DDX23: variants seen among roughly 807,000 people sequenced by gnomAD.
DDX23 encodes the protein probable ATP-dependent RNA helicase DDX23.
DDX23 carries 33 observed loss-of-function variants against 102.7 expected under a neutral mutation model. That is an observed-to-expected ratio of 0.32 (90% CI 0.24 to 0.43). DDX23 has a LOEUF of 0.43. Among genes scored for constraint, DDX23 ranks in the 20% least tolerant of loss-of-function variants. The probability of loss-of-function intolerance (pLI) is 1.00; values close to 1 mark genes in which losing one functional copy is unlikely to be tolerated. For synonymous variants in DDX23, 352 were observed against 376.0 expected (o/e 0.94, Z 0.74); for missense variants, 549 against 1,086.6 (o/e 0.51, Z 6.96).
At chr12:48,849,331 T>C (rs1454694441) in intron 1 of DDX23, among the ~76,000 whole-genome samples, 1 of 152,118 alleles carries the variant, frequency 6.6e-6, no homozygotes, top group African/African-American at 2.4e-5. Context: ...ACTTCCCGTC[T>C]ATTTTGAACA....
chr12:48,837,087 TAGGA>T, intron 8 of DDX23, 50 bp from the exon 9 acceptor site: 2 of 1,610,496 alleles, frequency 1.2e-6, no homozygotes, highest in Non-Finnish European at 1.7e-6. Flanking sequence ...TTAACGGCAG[TAGGA>T]AGGAAGGGCA....
Position 48,845,712 on chromosome 12 carries a change from C to A in DDX23, c.71G>T (p.Arg24Leu). The A allele has an allele frequency of 6.2e-7, 1 of 1,614,202 alleles. No homozygotes were observed. Among genetic ancestry groups the A allele is most frequent in the Non-Finnish European group, 8.5e-7 (1 of 1,180,044 alleles). ...TCTATCCCGCTCTCTGTCAGGAGTC[C>A]GTGATCGCTTCCTTTCCTCCTTGGA... is the stretch of plus-strand genomic sequence containing the variant. ...SPSKEERKRS[R>L]TPDRERDRDR... is the part of the protein sequence containing the mutation. The change falls in exon 2 of 17, where the codon CGG (arginine) becomes CTG (leucine). Residue 24 changes from arginine to leucine, a missense_variant. Arg to Leu is a moderately radical substitution (Grantham distance 102). This residue lies in a region of DDX23 where 241 missense variants were observed against 267.0 expected (regional missense o/e 0.90). Coordinates refer to ENST00000308025, the MANE Select transcript of DDX23 (RefSeq NM_004818.3).
intron 1 of DDX23, 51 bp downstream of exon 1, chr12:48,852,033 C>G (rs796972247): frequency 6.6e-5 from 10 of 152,556 alleles, no homozygotes; most frequent in African/African-American, 2.4e-4. Flanking sequence ...TGCCCTGACT[C>G]TAGCCCTTTC....
In DDX23 at chr12:48,840,049, C is replaced by T. The variant is rs1188853159; in HGVS notation, c.378G>A (p.Lys126=). The change falls in exon 4 of 17, where the codon AAG becomes AAA. Residue 126 remains lysine (K), a synonymous_variant. Transcript: ENST00000308025. The part of the protein sequence containing the change: ...FKSRKDRDSK[K]DEEDEHGDKK... ...TATCACCATGTTCATCCTCTTCATC[C>T]TTCTTAGAGTCTCTGTCCTTCCGAG... 1.2e-6 allele frequency: 2 copies of T among 1,614,060 alleles called. No individual in the cohort carries two copies. The highest frequency in any genetic ancestry group is 8.5e-7 in the Non-Finnish European group (1 of 1,180,020).
At chr12:48,851,654 A>G (rs1938761402) in intron 1 of DDX23, among the ~76,000 whole-genome samples, 1 of 152,204 alleles carries the variant, frequency 6.6e-6, no homozygotes, top group East Asian at 1.9e-4. Context: ...GTATAAGTAG[A>G]ATTTTAAGAT....
In DDX23 at chr12:48,836,009, TA is replaced by T; in HGVS notation, c.1382+111del. On this transcript the variant is annotated intron_variant, in intron 11 of 16. Coordinates refer to ENST00000308025, the MANE Select transcript of DDX23 (RefSeq NM_004818.3). The surrounding 1 kb of genome is among the most constrained non-coding windows in gnomAD (Gnocchi z 6.1). ...TTATTCCCTAATATCCAACAAAGAA[TA>T]AAGAAGAAAGCTTCTGATTATAGAC... 1.6e-6 allele frequency: 2 copies of T among 1,234,176 alleles called. No homozygotes were observed. The highest frequency in any genetic ancestry group is 2.8e-5 in the South Asian group (2 of 71,800). 76.5% of individuals were successfully genotyped at this position (1,234,176 alleles called of 1,614,324 possible).
At chr12:48,841,995 C>A (rs1938561089) in intron 3 of DDX23, among the ~76,000 whole-genome samples, 1 of 150,334 alleles carries the variant, frequency 6.7e-6, no homozygotes, top group African/African-American at 2.4e-5. Flanking sequence ...TGCCCGGCCG[C>A]CCCGTCTGAG....
chr12:48,837,065 A>C (rs756542953), intron 8 of DDX23, 28 bp from the exon 9 acceptor site: 1 of 1,613,092 alleles, frequency 6.2e-7, no homozygotes, highest in South Asian at 1.1e-5. Context: ...GAAAAGAAAA[A>C]AGAAGGAGCT....
intron 3 of DDX23, among the ~76,000 whole-genome samples, chr12:48,842,887 C>T (rs975849597): frequency 6.6e-6 from 1 of 151,796 alleles, no homozygotes; most frequent in South Asian, 2.1e-4. Flanking sequence ...ATTGAGAAAT[C>T]GGATGGTTGC....
chr12:48,830,385 C>A lies in DDX23; in HGVS notation c.*84G>T. 6.8e-7 allele frequency: 1 copy of A among 1,477,904 alleles called. No homozygotes were observed. Among genetic ancestry groups the A allele is most frequent in the South Asian group, 1.2e-5 (1 of 86,086 alleles). The allele number at this position is 1,477,904 out of a possible 1,614,324, so 91.5% of individuals were successfully genotyped here. A position where few individuals can be genotyped will look rare whatever the true frequency, so the allele number is the denominator to read the frequency against. On this transcript the variant is annotated 3_prime_UTR_variant, in exon 17 of 17. Transcript: ENST00000308025. This position sits in a 1 kb window ranked among gnomAD's most constrained non-coding sequence, Gnocchi z 4.9. ...AGCCCCCATATCCCAAGAGTGAGGA[C>A]CTGGAAAGAGGGATGTGAGGGTTCT...
intron 3 of DDX23, among the ~76,000 whole-genome samples, chr12:48,843,230 C>G (rs1374850288): frequency 6.6e-6 from 1 of 150,744 alleles, no homozygotes; most frequent in Non-Finnish European, 1.5e-5. Flanking sequence ...GCTGACCTTC[C>G]CTCCACTATT....
At position 48,836,086 on chromosome 12, in the gene DDX23, A is replaced by G. The variant is rs774271044; in HGVS notation, c.1382+35T>C. 31 of 1,606,836 alleles carry G rather than the reference A, an allele frequency of 1.9e-5. No homozygotes were observed. The highest frequency in any genetic ancestry group is 2.4e-5 in the Non-Finnish European group (28 of 1,175,370). On this transcript the variant is annotated intron_variant, in intron 11 of 16. Coordinates refer to ENST00000308025, the MANE Select transcript of DDX23 (RefSeq NM_004818.3). This position sits in a 1 kb window ranked among gnomAD's most constrained non-coding sequence, Gnocchi z 6.1. ...TGCCACTTTCACCTTTCCTACCCAG[A>G]CAAACCCACTCCAGCTGGTGCTAGC...
chr12:48,846,133 TA>T, intron 1 of DDX23, among the ~76,000 whole-genome samples: 1 of 125,062 alleles, frequency 8.0e-6, no homozygotes, highest in Non-Finnish European at 1.8e-5. Context: ...CTTGCCTAGC[TA>T]ATTTATTTTT....
chr12:48,836,437 G>GA lies in DDX23; in HGVS notation c.1236+131dup. ...TCACTAAAAGCCAACACTTCTACCAGAAAGTGACAGAAAAGGTCACATTGG... is the reference window on the plus strand; with the variant it reads ...TCACTAAAAGCCAACACTTCTACCAGAAAAGTGACAGAAAAGGTCACATTGG... On this transcript the variant is annotated intron_variant, in intron 10 of 16. Coordinates refer to ENST00000308025, the MANE Select transcript of DDX23 (RefSeq NM_004818.3). This position sits in a 1 kb window ranked among gnomAD's most constrained non-coding sequence, Gnocchi z 6.1. 1.6e-6 allele frequency: 2 copies of GA among 1,237,432 alleles called. No individual in the cohort carries two copies. Among genetic ancestry groups the GA allele is most frequent in the South Asian group, 2.9e-5 (2 of 70,108 alleles). 76.7% of individuals were successfully genotyped at this position (1,237,432 alleles called of 1,614,324 possible). A position where few individuals can be genotyped will look rare whatever the true frequency, so the allele number is the denominator to read the frequency against.
At chr12:48,845,539 C>T in intron 2 of DDX23, 35 bp downstream of exon 2, 4 of 1,609,962 alleles carry the variant, frequency 2.5e-6, no homozygotes, top group Non-Finnish European at 3.4e-6. Flanking sequence ...AACGTACTCT[C>T]CCTTCCCATG....
At chr12:48,848,159 G>A (rs969152335) in intron 1 of DDX23, among the ~76,000 whole-genome samples, 2 of 152,122 alleles carry the variant, frequency 1.3e-5, no homozygotes, top group South Asian at 2.1e-4. Context: ...GGTGGTGGGC[G>A]CCTGTAGTCC....
rs763097321 is a variant in DDX23 at position 48,830,410 on chromosome 12, T to C, written c.*59A>G. ...CCTGGAAAGAGGGATGTGAGGGTTC[T>C]GAAAAACAGGCATCAGGCAGCTTTG... On this transcript the variant is annotated 3_prime_UTR_variant, in exon 17 of 17. Transcript: ENST00000308025. This position sits in a 1 kb window ranked among gnomAD's most constrained non-coding sequence, Gnocchi z 4.9. 1.9e-6 allele frequency: 3 copies of C among 1,585,728 alleles called. No homozygotes were observed. Among genetic ancestry groups the C allele is most frequent in the Non-Finnish European group, 2.6e-6 (3 of 1,155,292 alleles).
Position 48,836,048 on chromosome 12 carries a change from T to C in DDX23, c.1382+73A>G, listed in dbSNP as rs937063712. ...TCTGATTATAGACGTAAAACAAAAA[T>C]CAAACATTCATTTGCCACTTTCACC... On this transcript the variant is annotated intron_variant, in intron 11 of 16. Coordinates refer to ENST00000308025, the MANE Select transcript of DDX23 (RefSeq NM_004818.3). The surrounding 1 kb of genome is among the most constrained non-coding windows in gnomAD (Gnocchi z 6.1). 3.3e-6 allele frequency: 5 copies of C among 1,531,270 alleles called. No homozygotes were observed. Among genetic ancestry groups the C allele is most frequent in the Admixed American group, 3.5e-5 (2 of 57,740 alleles). The allele number at this position is 1,531,270 out of a possible 1,614,324, so 94.9% of individuals were successfully genotyped here. A position where few individuals can be genotyped will look rare whatever the true frequency, so the allele number is the denominator to read the frequency against.
At chr12:48,835,614 G>A (rs1938458396) in intron 11 of DDX23, among the ~76,000 whole-genome samples, 2 of 152,214 alleles carry the variant, frequency 1.3e-5, no homozygotes, top group Non-Finnish European at 2.9e-5. Flanking sequence ...GGAGGCTGAG[G>A]GAGGAGAATC....
Sources: gnomAD v4.1 joint callset for allele counts (sites outside exome capture counted in the v4.1 genomes callset) on GRCh38, gnomAD v4.1.1 for gene constraint, gnomAD v4.1.1 regional missense constraint, Gnocchi (gnomAD v3.1) non-coding constraint, MANE v1.5 for transcripts, NCBI Gene and HGNC (gene_info 2026-07-23, HGNC 2026-07-21) for gene names.